The following EPB41L4A variants were observed in gnomAD, a reference collection of about 807,000 sequenced individuals.
The protein encoded by EPB41L4A is erythrocyte membrane protein band 4.1 like 4A.
In EPB41L4A, 100 loss-of-function variants were observed where a neutral mutation model predicts 108.6. That is an observed-to-expected ratio of 0.92 (90% CI 0.78 to 1.09). The LOEUF (loss-of-function observed/expected upper bound fraction) is 1.09. Ranked by LOEUF, EPB41L4A falls within the 50% of genes least tolerant of loss-of-function variation. The pLI is 0.00. For synonymous variants in EPB41L4A, 319 were observed against 289.0 expected (o/e 1.10, Z -1.05); for missense variants, 1,030 against 842.7 (o/e 1.22, Z -2.75).
intron 12 of EPB41L4A, among the ~76,000 whole-genome samples, chr5:112,230,735 C>T (rs935403016): frequency 6.6e-5 from 10 of 152,096 alleles, no homozygotes; most frequent in African/African-American, 2.4e-4. Flanking sequence ...TTAATTAGGT[C>T]TTATCTATTT....
chr5:112,359,615 A>G (rs1195963071), intron 1 of EPB41L4A, among the ~76,000 whole-genome samples: 1 of 150,772 alleles, frequency 6.6e-6, no homozygotes, highest in Non-Finnish European at 1.5e-5. Context: ...ATCTCAGCTC[A>G]CTGCCAGCTC....
At chr5:112,244,499 C>A (rs988468068) in intron 9 of EPB41L4A, among the ~76,000 whole-genome samples, 4 of 152,042 alleles carry the variant, frequency 2.6e-5, no homozygotes, top group Non-Finnish European at 4.4e-5. Flanking sequence ...GAGAAAGAGA[C>A]GTCTGAAAAA....
At chr5:112,391,254 G>A (rs1760915976) in intron 1 of EPB41L4A, among the ~76,000 whole-genome samples, 1 of 152,188 alleles carries the variant, frequency 6.6e-6, no homozygotes. Context: ...GGCTTCAGAA[G>A]GCTGGTAATA....
Position 112,403,017 on chromosome 5 carries a change from C to A in EPB41L4A, c.99+15924G>T, listed in dbSNP as rs1450717421. Among the ~76,000 whole-genome samples, 18 of 127,464 alleles carry A rather than the reference C, an allele frequency of 1.4e-4. No homozygotes were observed. In the East Asian group the frequency reaches 3.3e-3, roughly 23 times the overall value. 83.6% of individuals were successfully genotyped at this position (127,464 alleles called of 152,430 possible). On this transcript the variant is annotated intron_variant, in intron 1 of 22. Transcript: ENST00000261486. Reference sequence around the variant, plus strand: ...TCTCCCTCTAGCTCACACACACACACACAAAACCCTCAGCATTTTTAAGTT... The same window carrying A: ...TCTCCCTCTAGCTCACACACACACAAACAAAACCCTCAGCATTTTTAAGTT...
chr5:112,194,341 C>T (rs1240692471), intron 17 of EPB41L4A, among the ~76,000 whole-genome samples: 2 of 152,102 alleles, frequency 1.3e-5, no homozygotes, highest in African/African-American at 4.8e-5. Context: ...CACACACACA[C>T]ACACAAGAAG....
At chr5:112,160,250 T>C (rs1042986980), downstream of EPB41L4A, among the ~76,000 whole-genome samples, 4 of 152,222 alleles carry the variant, frequency 2.6e-5, no homozygotes, top group African/African-American at 9.6e-5. Flanking sequence ...AATTTAAAAT[T>C]ACACTCATGG....
At chr5:112,274,696 G>A (rs1160666779) in intron 4 of EPB41L4A, among the ~76,000 whole-genome samples, 3 of 152,166 alleles carry the variant, frequency 2.0e-5, no homozygotes, top group African/African-American at 7.2e-5. Flanking sequence ...AGCAGAATAA[G>A]TTAAAATATA....
chr5:112,418,884 G>A, intron 1 of EPB41L4A, 57 bp downstream of exon 1: 1 of 1,399,456 alleles, frequency 7.1e-7, no homozygotes, highest in Non-Finnish European at 1.0e-6. Context: ...TCAAAGCGAT[G>A]GACCCCCGCA....
chr5:112,313,110 G>T (rs914681707), intron 1 of EPB41L4A, among the ~76,000 whole-genome samples: 7 of 152,198 alleles, frequency 4.6e-5, no homozygotes, highest in Non-Finnish European at 1.0e-4. Flanking sequence ...AATGCCAGAA[G>T]AAAGGAGGAT....
chr5:112,287,135 A>G (rs1167196187), intron 2 of EPB41L4A, among the ~76,000 whole-genome samples: 1 of 152,174 alleles, frequency 6.6e-6, no homozygotes, highest in East Asian at 1.9e-4. Context: ...AATGCCATCT[A>G]TACACTGACA....
intron 12 of EPB41L4A, among the ~76,000 whole-genome samples, chr5:112,152,995 G>A (rs1759525557): frequency 6.6e-6 from 1 of 152,128 alleles, no homozygotes; most frequent in Non-Finnish European, 1.5e-5. Context: ...AAGGCGGGTG[G>A]ATAGCTTCAG....
At position 112,410,121 on chromosome 5, in the gene EPB41L4A, C is replaced by T. The variant is rs530505465; in HGVS notation, c.99+8820G>A. On this transcript the variant is annotated intron_variant, in intron 1 of 22. Transcript: ENST00000261486. The stretch of plus-strand genomic sequence containing the variant: ...CTCCTTCATGAGAGCTGATACATCA[C>T]TCAAACAAAAGGAGGTGGGTGGGGC... 1.2e-4 allele frequency among the ~76,000 whole-genome samples: 18 copies of T among 152,146 alleles called. 1 individual carries two copies. The highest frequency in any genetic ancestry group is 1.8e-4 in the Non-Finnish European group (12 of 68,032).
At chr5:112,262,926 T>C (rs540232353) in intron 6 of EPB41L4A, among the ~76,000 whole-genome samples, 16 of 152,100 alleles carry the variant, frequency 1.1e-4, no homozygotes, top group Non-Finnish European at 2.2e-4. Context: ...AAGAGTAAAA[T>C]GTCTCTGTGC....
intron 1 of EPB41L4A, among the ~76,000 whole-genome samples, chr5:112,372,626 G>A (rs1476265598): frequency 6.6e-6 from 1 of 152,210 alleles, no homozygotes; most frequent in African/African-American, 2.4e-5. Context: ...GGGTGGAGGG[G>A]AAAGTGGTCC....
intron 1 of EPB41L4A, among the ~76,000 whole-genome samples, chr5:112,339,916 T>A (rs971249721): frequency 1.3e-5 from 2 of 152,096 alleles, no homozygotes; most frequent in African/African-American, 4.8e-5. Flanking sequence ...TAATTATTAA[T>A]AAATATCACT....
chr5:112,222,721 A>C (rs1039687876), intron 12 of EPB41L4A, among the ~76,000 whole-genome samples: 1 of 152,208 alleles, frequency 6.6e-6, no homozygotes, highest in Non-Finnish European at 1.5e-5. Context: ...GGTTGTCCCC[A>C]GATAACTGAC....
chr5:112,374,976 C>G (rs1759719384), intron 1 of EPB41L4A, among the ~76,000 whole-genome samples: 2 of 152,184 alleles, frequency 1.3e-5, no homozygotes, highest in Non-Finnish European at 2.9e-5. Flanking sequence ...TGCAGAGCAG[C>G]AGCTCTGAAC....
intron 1 of EPB41L4A, among the ~76,000 whole-genome samples, chr5:112,346,980 A>C (rs969994032): frequency 1.3e-5 from 2 of 152,316 alleles, no homozygotes; most frequent in Non-Finnish European, 2.9e-5. Flanking sequence ...GCATTTTGAC[A>C]GTTAGAGTCC....
intron 12 of EPB41L4A, among the ~76,000 whole-genome samples, chr5:112,219,309 T>C (rs1322349439): frequency 1.3e-5 from 2 of 152,158 alleles, no homozygotes; most frequent in African/African-American, 4.8e-5. Flanking sequence ...CTGATGGTTT[T>C]ATAAGCGTCT....
Sources: allele counts gnomAD v4.1 joint callset (sites outside exome capture counted in the v4.1 genomes callset), GRCh38; gene constraint gnomAD v4.1.1; transcripts MANE v1.5; gene names NCBI Gene and HGNC (gene_info 2026-07-23, HGNC 2026-07-21).